The following CELF2 variants were observed in gnomAD, a reference collection of about 807,000 sequenced individuals.
CELF2 encodes CUGBP Elav-like family member 2.
Under a neutral mutation model 62.6 loss-of-function variants are expected in CELF2, and 8 were observed. The observed-to-expected ratio is 0.13, with a 90% CI of 0.07 to 0.23. CELF2 has a LOEUF of 0.23. Among genes scored for constraint, CELF2 ranks in the 10% least tolerant of loss-of-function variants. The pLI is 1.00. For synonymous variants in CELF2, 258 were observed against 250.0 expected (o/e 1.03, Z -0.30); for missense variants, 333 against 671.0 (o/e 0.50, Z 5.56).
At chr10:11,115,537 T>C (rs991597554) in intron 1 of CELF2, among the ~76,000 whole-genome samples, 1 of 152,246 alleles carries the variant, frequency 6.6e-6, no homozygotes, top group African/African-American at 2.4e-5. Context: ...TTTAGAGACC[T>C]ACTTGTCCCT....
the CELF2 span, among the ~76,000 whole-genome samples, chr10:10,553,831 T>C: frequency 6.6e-6 from 1 of 152,040 alleles, no homozygotes; most frequent in Non-Finnish European, 1.5e-5. Context: ...GAGAAAGAGC[T>C]TGGGGAAGCT....
chr10:11,049,224 T>TA (rs2063433245), intron 1 of CELF2, among the ~76,000 whole-genome samples: 2 of 151,648 alleles, frequency 1.3e-5, no homozygotes, highest in Non-Finnish European at 3.0e-5. Flanking sequence ...TTTTTTTTTT[T>TA]TAAAACTGCC....
At chr10:10,498,946 A>G in the CELF2 span, among the ~76,000 whole-genome samples, 1 of 152,144 alleles carries the variant, frequency 6.6e-6, no homozygotes, top group Non-Finnish European at 1.5e-5. Context: ...GCTCTGCCTC[A>G]TTCTCCTTCT....
chr10:10,746,752 A>ACTTT, the CELF2 span, among the ~76,000 whole-genome samples: 2 of 152,228 alleles, frequency 1.3e-5, no homozygotes, highest in Admixed American at 6.5e-5. Flanking sequence ...TTAATATAAT[A>ACTTT]AAATCATTAT....
intron 2 of CELF2, among the ~76,000 whole-genome samples, chr10:11,190,534 G>A (rs1444163328): frequency 6.6e-6 from 1 of 151,526 alleles, no homozygotes; most frequent in Non-Finnish European, 1.5e-5. Context: ...CCACAACCAA[G>A]CATGGTACGT....
At chr10:11,089,874 C>A (rs1336728949) in intron 1 of CELF2, among the ~76,000 whole-genome samples, 3 of 152,142 alleles carry the variant, frequency 2.0e-5, no homozygotes, top group African/African-American at 4.8e-5. Flanking sequence ...TCCTTTGTAG[C>A]AACGTGGATG....
rs568647161 is a variant in CELF2 at position 11,285,443 on chromosome 10, G to T, written c.842-2975G>T. ...CTTAGGAGAATGTCAGAAACTGTTG[G>T]ATGGTAAAGTGTGTGGAGGAGAAAT... is the stretch of plus-strand genomic sequence containing the variant. On this transcript the variant is annotated intron_variant, in intron 8 of 12. Transcript: ENST00000633077. This position sits in a 1 kb window ranked among gnomAD's most constrained non-coding sequence, Gnocchi z 4.3. Among the ~76,000 whole-genome samples the T allele has an allele frequency of 1.3e-5, 2 of 152,312 alleles. No homozygotes were observed. Among genetic ancestry groups the T allele is most frequent in the East Asian group, 3.9e-4 (2 of 5,188 alleles).
chr10:11,142,370 G>A lies in CELF2; in HGVS notation c.75-23116G>A, dbSNP rs117594503. ...GTTGGATCCAGTGGTGAAGAACTTT[G>A]GAGTGACGATTAAAAGTGGATGGGC... On this transcript the variant is annotated intron_variant, in intron 1 of 12. Transcript: ENST00000633077. Among the ~76,000 whole-genome samples, 707 of 152,180 alleles carry A rather than the reference G, an allele frequency of 4.6e-3. 4 individuals carry two copies. The highest frequency in any genetic ancestry group is 7.7e-3 in the Non-Finnish European group (527 of 68,006).
At chr10:10,521,856 A>C in the CELF2 span, among the ~76,000 whole-genome samples, 4 of 152,354 alleles carry the variant, frequency 2.6e-5, no homozygotes, top group East Asian at 7.7e-4. Context: ...CCATAAGCAG[A>C]TGTGTTACTT....
chr10:11,249,525 A>T (rs2076535248), intron 4 of CELF2, among the ~76,000 whole-genome samples: 1 of 152,188 alleles, frequency 6.6e-6, no homozygotes, highest in Admixed American at 6.5e-5. Context: ...CAATACAGGG[A>T]CATCTCATGG....
intron 2 of CELF2, among the ~76,000 whole-genome samples, chr10:10,988,673 T>C (rs560483247): frequency 7.9e-5 from 12 of 152,104 alleles, no homozygotes; most frequent in Non-Finnish European, 1.6e-4. Flanking sequence ...AGTAAAAATA[T>C]AAAAAATATT....
chr10:10,962,758 G>A (rs1482764647), intron 2 of CELF2, among the ~76,000 whole-genome samples: 2 of 152,168 alleles, frequency 1.3e-5, no homozygotes, highest in African/African-American at 4.8e-5. Flanking sequence ...AGCAACTAAA[G>A]AGAGGAAATG....
At chr10:10,545,671 C>T in the CELF2 span, among the ~76,000 whole-genome samples, 4 of 152,146 alleles carry the variant, frequency 2.6e-5, no homozygotes, top group Admixed American at 6.5e-5. Context: ...TATCTGTACA[C>T]ACACGCACAC....
chr10:10,711,957 G>C, the CELF2 span, among the ~76,000 whole-genome samples: 1 of 152,002 alleles, frequency 6.6e-6, no homozygotes, highest in African/African-American at 2.4e-5. Context: ...CTATTGGGAG[G>C]ATGGCTAAAT....
chr10:11,005,567 A>C lies in CELF2; in HGVS notation c.53+127A>C. ...AAGAGAAGGGGGGAAAAAGAATCTA[A>C]AGAGGAAGAGGGAGATGAAATCGAG... On this transcript the variant is annotated intron_variant, in intron 1 of 12. Transcript: ENST00000416382. This position sits in a 1 kb window ranked among gnomAD's most constrained non-coding sequence, Gnocchi z 4.3. The C allele has an allele frequency of 7.1e-7, 1 of 1,403,200 alleles. No individual in the cohort carries two copies. Among genetic ancestry groups the C allele is most frequent in the Non-Finnish European group, 1.0e-6 (1 of 1,002,972 alleles). 86.9% of individuals were successfully genotyped at this position (1,403,200 alleles called of 1,614,324 possible).
chr10:10,680,520 T>C, the CELF2 span, among the ~76,000 whole-genome samples: 2 of 152,222 alleles, frequency 1.3e-5, no homozygotes, highest in African/African-American at 4.8e-5. Flanking sequence ...TGACAATTTG[T>C]ATGCTATAGG....
the CELF2 span, among the ~76,000 whole-genome samples, chr10:10,472,237 C>T: frequency 1.3e-5 from 2 of 151,668 alleles, no homozygotes; most frequent in African/African-American, 4.8e-5. Context: ...CTGAGTGATA[C>T]TCTTCCACAA....
At chr10:10,971,191 C>T (rs1564287567) in intron 2 of CELF2, among the ~76,000 whole-genome samples, 1 of 152,288 alleles carries the variant, frequency 6.6e-6, no homozygotes, top group East Asian at 1.9e-4. Context: ...AAGGCTGCCT[C>T]TTGGAAGGAG....
rs1256337411 is a variant in CELF2, at chr10:11,039,801, A to C, written c.74+21638A>C. Among the ~76,000 whole-genome samples, 7 of 152,224 alleles carry C rather than the reference A, an allele frequency of 4.6e-5. No individual in the cohort carries two copies. The East Asian group carries it at 1.3e-3, about 29-fold the overall frequency. On this transcript the variant is annotated intron_variant, in intron 1 of 12. Transcript: ENST00000633077. The surrounding 1 kb of genome is among the most constrained non-coding windows in gnomAD (Gnocchi z 4.1). ...TTTTTGTAAATTCCATTGCCACTGG[A>C]GGAAACCATGGACCAGAGTAACCTA...
Sources: gnomAD v4.1 joint callset for allele counts (sites outside exome capture counted in the v4.1 genomes callset) on GRCh38, gnomAD v4.1.1 for gene constraint, Gnocchi (gnomAD v3.1) non-coding constraint, MANE v1.5 for transcripts, NCBI Gene and HGNC (gene_info 2026-07-23, HGNC 2026-07-21) for gene names.